Variants in XRN1 observed in about 807,000 individuals in gnomAD.
XRN1 encodes strand-exchange protein 1 homolog.
A neutral mutation model predicts 222.3 loss-of-function variants in XRN1; 67 were observed. That is an observed-to-expected ratio of 0.30 (90% CI 0.25 to 0.37). The LOEUF (loss-of-function observed/expected upper bound fraction) is 0.37, where lower values mean the gene tolerates loss of function less well. Ranked by LOEUF, XRN1 falls within the 10% of genes least tolerant of loss-of-function variation. XRN1 has a pLI of 1.00. For missense variants in XRN1, 1,707 were observed against 2,000.2 expected, an observed-to-expected ratio of 0.85 and a Z score of 2.80; for synonymous variants, 643 against 652.4, an observed-to-expected ratio of 0.99 and a Z score of 0.22.
At chr3:142,401,218 C>T (rs2068116344) in intron 18 of XRN1, among the ~76,000 whole-genome samples, 2 of 152,080 alleles carry the variant, frequency 1.3e-5, no homozygotes, top group East Asian at 3.9e-4. Flanking sequence ...AATTTGGGTT[C>T]TACCACTTTT....
In XRN1 at chr3:142,311,209, T is replaced by C. The variant is rs535169086; in HGVS notation, c.*302A>G. 1 of 200,034 alleles carries C rather than the reference T, an allele frequency of 5.0e-6. No individual in the cohort carries two copies. The highest frequency in any genetic ancestry group is 2.3e-5 in the African/African-American group (1 of 43,038). 12.4% of individuals were successfully genotyped at this position (200,034 alleles called of 1,614,324 possible). A position where few individuals can be genotyped will look rare whatever the true frequency, so the allele number is the denominator to read the frequency against. On this transcript the variant is annotated 3_prime_UTR_variant, in exon 41 of 41. Transcript: ENST00000392981. The stretch of plus-strand genomic sequence containing the variant: ...TGAGGCCAATGATTAGAGTGGTACA[T>C]TTTAATGTTTAGTCCACTGATACTG...
chr3:142,347,390 C>T, intron 32 of XRN1, 48 bp from the exon 33 acceptor site: 1 of 1,155,080 alleles, frequency 8.7e-7, no homozygotes, highest in Non-Finnish European at 1.2e-6. Context: ...AATATTATAA[C>T]TACTTCTTAT....
At chr3:142,315,477 T>C (rs1173698483) in intron 39 of XRN1, among the ~76,000 whole-genome samples, 5 of 151,698 alleles carry the variant, frequency 3.3e-5, no homozygotes, top group Non-Finnish European at 5.9e-5. Flanking sequence ...ATCAAAATAC[T>C]ACATATACAT....
Position 142,425,425 on chromosome 3 carries a change from TA to T in XRN1, c.516+3del. The T allele has an allele frequency of 6.2e-7, 1 of 1,603,088 alleles. No individual in the cohort carries two copies. The highest frequency in any genetic ancestry group is 8.5e-7 in the Non-Finnish European group (1 of 1,174,742). On this transcript the variant is annotated splice_donor_region_variant and intron_variant, in intron 4 of 40. Transcript: ENST00000392981. ...AAACTCTTTAAATAAAAAAAGATAA[TA>T]ACCTCATGGCCTGAGAAGTAGATGG...
intron 20 of XRN1, among the ~76,000 whole-genome samples, chr3:142,392,002 C>T (rs1257925881): frequency 6.6e-6 from 1 of 152,008 alleles, no homozygotes; most frequent in Admixed American, 6.6e-5. Context: ...TCCTTGCCCC[C>T]TTTTCCAGGT....
intron 20 of XRN1, among the ~76,000 whole-genome samples, chr3:142,384,944 A>G (rs2067438469): frequency 6.6e-6 from 1 of 152,194 alleles, no homozygotes; most frequent in African/African-American, 2.4e-5. Context: ...CACATCCACT[A>G]GGATCGTTAT....
chr3:142,325,093 C>G (rs971700549), intron 37 of XRN1, among the ~76,000 whole-genome samples: 2 of 152,128 alleles, frequency 1.3e-5, no homozygotes, highest in Non-Finnish European at 2.9e-5. Context: ...AGTGGAATTG[C>G]TGGATCATAT....
chr3:142,337,083 C>G (rs1192658287), intron 33 of XRN1, among the ~76,000 whole-genome samples: 1 of 151,876 alleles, frequency 6.6e-6, no homozygotes, highest in African/African-American at 2.4e-5. Flanking sequence ...AAATAAAATA[C>G]CATGCATATA....
chr3:142,445,787 G>C (rs2070470632), intron 1 of XRN1, among the ~76,000 whole-genome samples: 1 of 152,214 alleles, frequency 6.6e-6, no homozygotes, highest in African/African-American at 2.4e-5. Context: ...ACAGGAGGTA[G>C]ACTACTCCTG....
intron 20 of XRN1, among the ~76,000 whole-genome samples, chr3:142,396,406 A>G (rs2107999980): frequency 6.6e-6 from 1 of 152,340 alleles, no homozygotes; most frequent in East Asian, 1.9e-4. Context: ...ATCTAAAGAA[A>G]GAGTTATTAA....
chr3:142,442,895 GGCTAATTTTTTGTATTTTTAGTAGAGA>G (rs1228524682), intron 1 of XRN1, among the ~76,000 whole-genome samples: 2 of 152,074 alleles, frequency 1.3e-5, no homozygotes, highest in Non-Finnish European at 2.9e-5. Context: ...CACGACGCCC[GGCTAATTTTTTGTATTTTTAGTAGAGA>G]CGGGGTTTCA....
chr3:142,376,560 A>G lies in XRN1; in HGVS notation c.2750T>C (p.Leu917Ser), dbSNP rs1472870682. 1 of 1,613,308 alleles carries G rather than the reference A, an allele frequency of 6.2e-7. No individual in the cohort carries two copies. Among genetic ancestry groups the G allele is most frequent in the East Asian group, 2.2e-5 (1 of 44,776 alleles). Residue 917 changes from leucine to serine, a missense_variant, in exon 24 of 41, where the codon TTG becomes TCG. By Grantham distance (145) the Leu-to-Ser change is moderately radical. This residue lies in a region of XRN1 where 1,234 missense variants were observed against 1,518.2 expected (regional missense o/e 0.81). Transcript: ENST00000392981. Reference protein sequence around the residue: ...YSIKYNPGYVLASRLGVSGYL... With the variant: ...YSIKYNPGYVSASRLGVSGYL... ...TCCACTCACTCCAAGGCGACTGGCCAACACATATCCTGGGTTGTACTTTAT... is the reference window on the plus strand; with the variant it reads ...TCCACTCACTCCAAGGCGACTGGCCGACACATATCCTGGGTTGTACTTTAT...
intron 24 of XRN1, chr3:142,376,163 T>G: frequency 7.5e-6 from 6 of 796,836 alleles, no homozygotes; most frequent in Non-Finnish European, 1.1e-5. Flanking sequence ...TAACAAAGCA[T>G]GTAAATAAAT....
chr3:142,387,590 C>T (rs1373169802), intron 20 of XRN1, among the ~76,000 whole-genome samples: 1 of 152,092 alleles, frequency 6.6e-6, no homozygotes. Flanking sequence ...CCAGTACATA[C>T]CAAAGTTATG....
rs780979929 is a variant in XRN1, at chr3:142,335,499, C to T, written c.3888G>A (p.Glu1296=). 6.2e-7 allele frequency: 1 copy of T among 1,613,722 alleles called. No individual in the cohort carries two copies. The highest frequency in any genetic ancestry group is 1.1e-5 in the South Asian group (1 of 91,014). The change falls in exon 34 of 41, where the codon GAG becomes GAA. Residue 1296 remains glutamate (E), a synonymous_variant. Coordinates refer to ENST00000392981, the MANE Select transcript of XRN1 (RefSeq NM_001282857.2). ...AACACTCAGCTTTAGGACTCTTACA[C>T]TCTTCTTTAACTAGAGACAAGAAAA... ...KHDPHRKFKE[E]CKSPKAECWS...
intron 36 of XRN1, among the ~76,000 whole-genome samples, chr3:142,331,882 C>A (rs1473751770): frequency 6.6e-6 from 1 of 152,120 alleles, no homozygotes; most frequent in East Asian, 1.9e-4. Context: ...TCAAGCAATC[C>A]TACCACGTCA....
At chr3:142,444,365 T>C (rs1284650973) in intron 1 of XRN1, among the ~76,000 whole-genome samples, 1 of 152,132 alleles carries the variant, frequency 6.6e-6, no homozygotes, top group Admixed American at 6.5e-5. Flanking sequence ...CCAAGGACTT[T>C]GGGAGGCTGA....
rs149692103 is a variant in XRN1 at position 142,437,762 on chromosome 3, T to C, written c.76-4869A>G. On this transcript the variant is annotated intron_variant, in intron 1 of 40. Transcript: ENST00000392981. ...ATCAGCAAAGTGAAGAGACAACCCA[T>C]AGAATGGAAGAAATGTATTTGCAAA... Among the ~76,000 whole-genome samples the C allele has an allele frequency of 2.8e-3, 429 of 152,178 alleles. 6 individuals carry two copies. Among genetic ancestry groups the C allele is most frequent in the East Asian group, 0.019 (96 of 5,166 alleles).
chr3:142,415,997 G>A (rs1439275894), intron 13 of XRN1, among the ~76,000 whole-genome samples: 1 of 151,986 alleles, frequency 6.6e-6, no homozygotes, highest in Non-Finnish European at 1.5e-5. Flanking sequence ...TATGATAATT[G>A]CTTGAACCCG....
Sources: allele counts gnomAD v4.1 joint callset (sites outside exome capture counted in the v4.1 genomes callset), GRCh38; gene constraint gnomAD v4.1.1; regional missense constraint gnomAD v4.1.1; transcripts MANE v1.5; gene names NCBI Gene and HGNC (gene_info 2026-07-23, HGNC 2026-07-21).